BAG4: variants seen among roughly 807,000 people sequenced by gnomAD.
The protein encoded by BAG4 is BAG cochaperone 4.
In BAG4, 28 loss-of-function variants were observed where a neutral mutation model predicts 52.1. The ratio of observed to expected loss-of-function variants is 0.54; its 90% CI spans 0.40 to 0.74. BAG4 has a LOEUF of 0.74. BAG4 is among the 30% of genes least tolerant of loss of function. The pLI, the probability that BAG4 is intolerant of heterozygous loss-of-function variation, is 0.00. For synonymous variants in BAG4, 208 were observed against 217.0 expected (o/e 0.96, Z 0.37); for missense variants, 525 against 572.0 (o/e 0.92, Z 0.84).
chr8:38,209,241 C>G lies in BAG4; in HGVS notation c.862C>G (p.Pro288Ala), dbSNP rs771854090. 9 of 1,614,056 alleles carry G rather than the reference C, an allele frequency of 5.6e-6. No individual in the cohort carries two copies. In the African/African-American group the frequency reaches 6.7e-5, roughly 12 times the overall value. Residue 288 changes from proline (P) to alanine (A), a missense_variant, in exon 4 of 5, where the codon CCT becomes GCT. Pro to Ala is a conservative substitution (Grantham distance 27). Around this residue, in one of 2 missense-constraint regions of BAG4, gnomAD observed 238 missense variants for 305.8 expected, o/e 0.78. Transcript: ENST00000287322. ...TAGCAGTGGCTCTCCCCAGTCACCC[C>G]CTTCACCCCCAGTCCAGCAGCCCAA... ...WPSSGSPQSP[P>A]SPPVQQPKDS...
rs1803884374 is a variant in BAG4 at position 38,212,697 on chromosome 8, C to T, written c.*2204C>T. The T allele has an allele frequency of 6.6e-6, 1 of 152,136 alleles. No homozygotes were observed. Among genetic ancestry groups the T allele is most frequent in the Admixed American group, 6.6e-5 (1 of 15,262 alleles). The allele number at this position is 152,136 out of a possible 1,614,324, so 9.4% of individuals were successfully genotyped here. A position where few individuals can be genotyped will look rare whatever the true frequency, so the allele number is the denominator to read the frequency against. ...TGTAATGTATTTCTGGTGTTGTTAA[C>T]CTTGATCACTATGCTAAGGTGGTGT... On this transcript the variant is annotated 3_prime_UTR_variant, in exon 5 of 5. Coordinates refer to ENST00000287322, the MANE Select transcript of BAG4 (RefSeq NM_004874.4).
intron 2 of BAG4, among the ~76,000 whole-genome samples, chr8:38,202,479 C>A (rs1048404965): frequency 6.6e-6 from 1 of 151,754 alleles, no homozygotes; most frequent in Non-Finnish European, 1.5e-5. Context: ...TTATCTTAAA[C>A]TCTTTGAGTT....
intron 4 of BAG4, chr8:38,209,704 C>G (rs554522341): frequency 7.6e-5 from 30 of 392,224 alleles, no homozygotes; most frequent in African/African-American, 6.0e-4. Flanking sequence ...AGGGGAAAAA[C>G]TAATTCTTAT....
chr8:38,183,665 G>A (rs1032527790), intron 1 of BAG4, among the ~76,000 whole-genome samples: 4 of 151,830 alleles, frequency 2.6e-5, no homozygotes, highest in African/African-American at 9.7e-5. Flanking sequence ...TGATTCCTTT[G>A]GACATAATCT....
Position 38,207,725 on chromosome 8 carries a change from C to A in BAG4, c.592C>A (p.Pro198Thr). Residue 198 changes from proline to threonine, a missense_variant, in exon 3 of 5, where the codon CCC becomes ACC. Pro to Thr is a conservative substitution (Grantham distance 38). Around this residue, in one of 2 missense-constraint regions of BAG4, gnomAD observed 287 missense variants for 266.1 expected, o/e 1.08. Coordinates refer to ENST00000287322, the MANE Select transcript of BAG4 (RefSeq NM_004874.4). ...CCAGCAGGACTGTCAGACTGAAGCA[C>A]CCCCTCTTAGGGGGCAGGTTCCAGG... ...YPQQDCQTEAPPLRGQVPGYP... is the reference protein window; with the variant it reads ...YPQQDCQTEATPLRGQVPGYP... 2 of 1,614,198 alleles carry A rather than the reference C, an allele frequency of 1.2e-6. No individual in the cohort carries two copies. Among genetic ancestry groups the A allele is most frequent in the Non-Finnish European group, 1.7e-6 (2 of 1,180,038 alleles).
At chr8:38,198,678 T>G (rs1182436937) in intron 2 of BAG4, among the ~76,000 whole-genome samples, 2 of 151,748 alleles carry the variant, frequency 1.3e-5, no homozygotes, top group Non-Finnish European at 2.9e-5. Context: ...TTAGTGGAGA[T>G]GGGTTTCACC....
rs139408020 is a variant in BAG4 at position 38,207,710 on chromosome 8, T to C, written c.577T>C (p.Cys193Arg). ...TCGTTGGATCTATCCCCAGCAGGAC[T>C]GTCAGACTGAAGCACCCCCTCTTAG... is the stretch of plus-strand genomic sequence containing the variant. ...VSRWIYPQQD[C>R]QTEAPPLRGQ... Residue 193 changes from cysteine (C) to arginine (R), a missense_variant, in exon 3 of 5, where the codon TGT becomes CGT. By Grantham distance (180) the Cys-to-Arg change is radical. This residue lies in a region of BAG4 where 287 missense variants were observed against 266.1 expected (regional missense o/e 1.08). Transcript: ENST00000287322. 3.1e-6 allele frequency: 5 copies of C among 1,614,208 alleles called. No homozygotes were observed. In the Admixed American group the frequency reaches 5.0e-5, roughly 16 times the overall value.
At chr8:38,181,915 A>AAAAAAAAAAAAAG (rs1554506184) in intron 1 of BAG4, among the ~76,000 whole-genome samples, 1 of 134,630 alleles carries the variant, frequency 7.4e-6, no homozygotes, top group Non-Finnish European at 1.6e-5. Flanking sequence ...AAAAAAAAAA[A>AAAAAAAAAAAAAG]AGGAAGTAAG....
chr8:38,198,270 G>GCTA (rs1803598619), intron 2 of BAG4, among the ~76,000 whole-genome samples: 1 of 150,118 alleles, frequency 6.7e-6, no homozygotes, highest in African/African-American at 2.4e-5. Flanking sequence ...TGTAATTCCA[G>GCTA]CTACTCGGGA....
chr8:38,208,180 T>C (rs1472106269), intron 3 of BAG4, among the ~76,000 whole-genome samples: 1 of 151,818 alleles, frequency 6.6e-6, no homozygotes, highest in East Asian at 1.9e-4. Context: ...TTTCACCATG[T>C]TGGCCAGGAT....
At position 38,207,565 on chromosome 8, in the gene BAG4, T is replaced by C; in HGVS notation, c.432T>C (p.Pro144=). The C allele has an allele frequency of 6.2e-7, 1 of 1,614,044 alleles. No homozygotes were observed. The highest frequency in any genetic ancestry group is 1.1e-5 in the South Asian group (1 of 91,080). ...ATGGTCCAACATACCCCCCAGGCCCTGGGGCAAATACTGCCTCATACTCAG... is the reference window on the plus strand; with the variant it reads ...ATGGTCCAACATACCCCCCAGGCCCCGGGGCAAATACTGCCTCATACTCAG... ...GAYGPTYPPG[P]GANTASYSGA... The change falls in exon 3 of 5, where the codon CCT becomes CCC. Residue 144 remains proline (P), a synonymous_variant. Transcript: ENST00000287322.
intron 1 of BAG4, among the ~76,000 whole-genome samples, chr8:38,191,469 A>G (rs1453417998): frequency 1.3e-5 from 2 of 152,156 alleles, no homozygotes; most frequent in Admixed American, 1.3e-4. Context: ...GCTTAAAACT[A>G]TACTTGGGCG....
chr8:38,208,135 C>T (rs1281608867), intron 3 of BAG4, among the ~76,000 whole-genome samples: 3 of 151,606 alleles, frequency 2.0e-5, no homozygotes, highest in Non-Finnish European at 2.9e-5. Flanking sequence ...CGCCATCACG[C>T]CCAGCTCATT....
intron 3 of BAG4, 66 bp downstream of exon 3, chr8:38,207,832 G>C: frequency 1.3e-6 from 2 of 1,568,318 alleles, no homozygotes; most frequent in South Asian, 1.2e-5. Flanking sequence ...CAGTGGAAGA[G>C]CATCTGTTCA....
intron 2 of BAG4, among the ~76,000 whole-genome samples, chr8:38,203,287 TTTTTTTC>T (rs1268819267): frequency 3.1e-5 from 4 of 128,038 alleles, no homozygotes; most frequent in African/African-American, 5.9e-5. Context: ...AGGAATTTTT[TTTTTTTC>T]TTTTTTTGGA....
At chr8:38,200,070 A>G (rs1041249335) in intron 2 of BAG4, among the ~76,000 whole-genome samples, 4 of 150,414 alleles carry the variant, frequency 2.7e-5, no homozygotes, top group Non-Finnish European at 5.9e-5. Context: ...TAGTGGTGCA[A>G]TCTCTGCTCA....
chr8:38,188,782 T>G (rs1030668898), intron 1 of BAG4, among the ~76,000 whole-genome samples: 3 of 151,642 alleles, frequency 2.0e-5, no homozygotes, highest in Non-Finnish European at 4.4e-5. Context: ...GCTTTTTATT[T>G]ACTTTTTATT....
intron 1 of BAG4, among the ~76,000 whole-genome samples, chr8:38,189,271 T>A (rs1803428309): frequency 6.6e-6 from 1 of 152,092 alleles, no homozygotes; most frequent in South Asian, 2.1e-4. Context: ...AATAGGTGAA[T>A]TGGATGGTAG....
intron 1 of BAG4, among the ~76,000 whole-genome samples, chr8:38,178,126 T>A (rs753783942): frequency 4.6e-5 from 7 of 151,964 alleles, no homozygotes; most frequent in Non-Finnish European, 8.8e-5. Context: ...TCATTATTCA[T>A]AATCGCCAAA....
Sources: allele counts gnomAD v4.1 joint callset (sites outside exome capture counted in the v4.1 genomes callset), GRCh38; gene constraint gnomAD v4.1.1; regional missense constraint gnomAD v4.1.1; transcripts MANE v1.5; gene names NCBI Gene and HGNC (gene_info 2026-07-23, HGNC 2026-07-21).